Variants in MAGI2 observed in about 807,000 individuals in gnomAD.
MAGI2 encodes the protein membrane associated guanylate kinase, WW and PDZ domain containing 2, also known as membrane-associated guanylate kinase, WW and PDZ domain-containing protein 2.
In MAGI2, 35 loss-of-function variants were observed where a neutral mutation model predicts 133.3. The ratio of observed to expected loss-of-function variants is 0.26; its 90% CI spans 0.20 to 0.35. MAGI2 has a LOEUF of 0.35. Among genes scored for constraint, MAGI2 ranks in the 10% least tolerant of loss-of-function variants. MAGI2 has a pLI of 1.00. For synonymous variants in MAGI2, 729 were observed against 710.6 expected (o/e 1.03, Z -0.41); for missense variants, 1,636 against 1,863.4 (o/e 0.88, Z 2.25).
intron 6 of MAGI2, among the ~76,000 whole-genome samples, chr7:78,392,206 C>T (rs754768293): frequency 1.9e-4 from 29 of 152,180 alleles, no homozygotes; most frequent in African/African-American, 2.4e-4. Context: ...GGTGCAGGTA[C>T]GACTAGTATA....
At chr7:78,983,574 C>T (rs546655433) in intron 2 of MAGI2, among the ~76,000 whole-genome samples, 12 of 152,012 alleles carry the variant, frequency 7.9e-5, no homozygotes, top group Middle Eastern at 3.4e-3. Context: ...CTATCAGCCA[C>T]TAACAAGACC....
chr7:78,560,231 G>A (rs1800266129), intron 3 of MAGI2, among the ~76,000 whole-genome samples: 1 of 152,122 alleles, frequency 6.6e-6, no homozygotes, highest in South Asian at 2.1e-4. Context: ...TTTAGATGGG[G>A]TTAGGACTAT....
chr7:78,397,406 C>T (rs905148868), intron 6 of MAGI2, among the ~76,000 whole-genome samples: 1 of 151,592 alleles, frequency 6.6e-6, no homozygotes, highest in African/African-American at 2.4e-5. Context: ...CACCCCTTGT[C>T]TTACATTGCC....
At chr7:78,909,429 TA>T (rs71085571) in intron 2 of MAGI2, among the ~76,000 whole-genome samples, 69,389 of 132,812 alleles carry the variant, frequency 0.52, 17,223 homozygotes, top group East Asian at 0.61. Flanking sequence ...CCGTCTCTAC[TA>T]AAAAAAAAAA....
chr7:78,695,030 C>T (rs1037046789), intron 2 of MAGI2, among the ~76,000 whole-genome samples: 20 of 152,062 alleles, frequency 1.3e-4, no homozygotes, highest in Non-Finnish European at 2.9e-4. Context: ...TCGACATCAT[C>T]CTGGCTAACA....
At chr7:78,116,696 T>C (rs1051731086) in intron 20 of MAGI2, among the ~76,000 whole-genome samples, 2 of 151,892 alleles carry the variant, frequency 1.3e-5, no homozygotes, top group African/African-American at 4.8e-5. Context: ...CTAGGCAACG[T>C]GGTGAGAGCC....
At chr7:79,282,892 A>G (rs954905478) in intron 1 of MAGI2, among the ~76,000 whole-genome samples, 1 of 101,058 alleles carries the variant, frequency 9.9e-6, no homozygotes, top group Non-Finnish European at 2.6e-5. Context: ...CTAGAAGTTA[A>G]TTTTTTGATA....
At chr7:78,159,070 C>G (rs1345107977) in intron 16 of MAGI2, among the ~76,000 whole-genome samples, 1 of 152,136 alleles carries the variant, frequency 6.6e-6, no homozygotes, top group Non-Finnish European at 1.5e-5. Flanking sequence ...TTCCCAAGCC[C>G]CTACCCACCA....
intron 1 of MAGI2, among the ~76,000 whole-genome samples, chr7:79,049,207 A>T (rs111407058): frequency 6.6e-6 from 1 of 152,344 alleles, no homozygotes; most frequent in African/African-American, 2.4e-5. Flanking sequence ...TTCAATGAAC[A>T]TTAAATACTT....
At chr7:78,360,161 T>C (rs1476831422) in intron 7 of MAGI2, among the ~76,000 whole-genome samples, 1 of 152,364 alleles carries the variant, frequency 6.6e-6, no homozygotes, top group East Asian at 1.9e-4. Context: ...TTGGTTTGAC[T>C]TCCTCAGTTT....
intron 1 of MAGI2, among the ~76,000 whole-genome samples, chr7:79,292,770 CAAAAAAAAAAAA>C (rs199933554): frequency 0.013 from 748 of 57,436 alleles, 18 homozygotes; most frequent in African/African-American, 0.039. Flanking sequence ...TCAATTTCTG[CAAAAAAAAAAAA>C]AAAAAAAAAA....
At chr7:78,347,284 A>G (rs1451340356) in intron 7 of MAGI2, 1 of 152,308 alleles carries the variant, frequency 6.6e-6, no homozygotes, top group African/African-American at 2.4e-5. Context: ...CCAATTTCCA[A>G]TACTATGAAT....
At chr7:78,587,665 T>C (rs1213406664) in intron 3 of MAGI2, among the ~76,000 whole-genome samples, 1 of 152,216 alleles carries the variant, frequency 6.6e-6, no homozygotes, top group Non-Finnish European at 1.5e-5. Flanking sequence ...TTGATTACAT[T>C]TTACTGGCTA....
intron 9 of MAGI2, among the ~76,000 whole-genome samples, chr7:78,314,995 C>G (rs1787255887): frequency 6.6e-6 from 1 of 152,144 alleles, no homozygotes; most frequent in East Asian, 1.9e-4. Flanking sequence ...AGAAAGGTCA[C>G]AGTTTTATAC....
intron 3 of MAGI2, among the ~76,000 whole-genome samples, chr7:78,620,459 A>G (rs1279282315): frequency 6.6e-6 from 1 of 151,998 alleles, no homozygotes; most frequent in African/African-American, 2.4e-5. Flanking sequence ...AATTATTTGT[A>G]TTTAATACTT....
chr7:78,999,650 C>T (rs1174020205), intron 2 of MAGI2, among the ~76,000 whole-genome samples: 1 of 152,172 alleles, frequency 6.6e-6, no homozygotes, highest in Admixed American at 6.5e-5. Flanking sequence ...ATGCCAAGGG[C>T]ATACATCGAG....
At chr7:78,369,014 GT>G in intron 7 of MAGI2, 141 bp downstream of exon 7, 1 of 535,624 alleles carries the variant, frequency 1.9e-6, no homozygotes, top group Non-Finnish European at 3.3e-6. Context: ...CAGCTAGCTA[GT>G]GCTGCTAGTC....
At chr7:79,102,023 T>C (rs977800324) in intron 1 of MAGI2, among the ~76,000 whole-genome samples, 1 of 152,080 alleles carries the variant, frequency 6.6e-6, no homozygotes, top group Admixed American at 6.6e-5. Flanking sequence ...CAAAAATCTA[T>C]CTTAAACACA....
intron 1 of MAGI2, among the ~76,000 whole-genome samples, chr7:79,449,762 G>A (rs1485390257): frequency 2.0e-5 from 3 of 151,752 alleles, no homozygotes; most frequent in African/African-American, 7.3e-5. Context: ...TTATTATTGT[G>A]TGGATTAAAA....
Sources: allele counts gnomAD v4.1 joint callset (sites outside exome capture counted in the v4.1 genomes callset), GRCh38; gene constraint gnomAD v4.1.1; transcripts MANE v1.5; gene names NCBI Gene and HGNC (gene_info 2026-07-23, HGNC 2026-07-21).